The following CNN1 variants were observed in gnomAD, a reference collection of about 807,000 sequenced individuals.
The protein encoded by CNN1 is calponin 1.
Under a neutral mutation model 35.3 loss-of-function variants are expected in CNN1, and 21 were observed. That is an observed-to-expected ratio of 0.60 (90% CI 0.42 to 0.86). CNN1 has a LOEUF of 0.86. Ranked by LOEUF, CNN1 falls within the 40% of genes least tolerant of loss-of-function variation. The probability of loss-of-function intolerance (pLI) is 0.00; values close to 1 mark genes in which losing one functional copy is unlikely to be tolerated. For missense variants in CNN1, 314 were observed against 400.8 expected, an observed-to-expected ratio of 0.78 and a Z score of 1.85; for synonymous variants, 164 against 161.8, an observed-to-expected ratio of 1.01 and a Z score of -0.10.
At chr19:11,547,225 C>T (rs762526342) in intron 4 of CNN1, among the ~76,000 whole-genome samples, 5 of 151,582 alleles carry the variant, frequency 3.3e-5, no homozygotes, top group Non-Finnish European at 7.4e-5. Context: ...GGTGAAATCC[C>T]GTCTCTACTA....
intron 2 of CNN1, among the ~76,000 whole-genome samples, chr19:11,544,664 T>G (rs950647913): frequency 1.5e-5 from 2 of 134,370 alleles, no homozygotes; most frequent in African/African-American, 5.8e-5. Context: ...GTTTTCGGGT[T>G]TTTTTTTTTT....
At chr19:11,544,688 G>A in intron 2 of CNN1, among the ~76,000 whole-genome samples, 1 of 131,016 alleles carries the variant, frequency 7.6e-6, no homozygotes, top group Non-Finnish European at 1.6e-5. Context: ...TTTTTGTAGA[G>A]ACACGGGTCT....
intron 1 of CNN1, 190 bp downstream of exon 1, chr19:11,539,180 G>T: frequency 1.7e-6 from 2 of 1,203,172 alleles, no homozygotes; most frequent in Non-Finnish European, 2.2e-6. Flanking sequence ...TATGGTTGGG[G>T]CTGGAATGGG....
intron 1 of CNN1, 36 bp downstream of exon 1, chr19:11,539,026 G>C: frequency 6.6e-7 from 1 of 1,518,738 alleles, no homozygotes; most frequent in South Asian, 1.2e-5. Flanking sequence ...TGGCCCACAC[G>C]TCCTGCCAGG....
intron 5 of CNN1, 91 bp downstream of exon 5, chr19:11,547,998 A>G: frequency 1.0e-6 from 1 of 965,762 alleles, no homozygotes; most frequent in Non-Finnish European, 1.5e-6. Flanking sequence ...ATTTGGCATT[A>G]ACTATACTAT....
At chr19:11,546,999 T>C (rs113148999) in intron 4 of CNN1, 30 bp downstream of exon 4, 21,206 of 1,609,916 alleles carry the variant, frequency 0.013, 307 homozygotes, top group Admixed American at 0.055. Flanking sequence ...GGGCAGGGGG[T>C]GGTGGGCAGC....
chr19:11,542,100 C>T, intron 2 of CNN1: 1 of 148,304 alleles, frequency 6.7e-6, no homozygotes, highest in Non-Finnish European at 1.5e-5. Flanking sequence ...GTTGACCGGG[C>T]TGGTCTCAAA....
chr19:11,539,771 C>A, intron 1 of CNN1: 1 of 1,054,844 alleles, frequency 9.5e-7, no homozygotes, highest in Non-Finnish European at 1.2e-6. Flanking sequence ...AAGTGGGGGA[C>A]TGGGTTGGAA....
At chr19:11,539,414 G>A in intron 1 of CNN1, 1 of 1,075,084 alleles carries the variant, frequency 9.3e-7, no homozygotes, top group Non-Finnish European at 1.1e-6. Flanking sequence ...GAAGACAGAG[G>A]GGGACGGTGA....
intron 2 of CNN1, among the ~76,000 whole-genome samples, chr19:11,543,325 G>A (rs2060981337): frequency 6.7e-6 from 1 of 150,052 alleles, no homozygotes; most frequent in South Asian, 2.1e-4. Context: ...ACTCCAGCCT[G>A]GGCAACAGTG....
intron 2 of CNN1, among the ~76,000 whole-genome samples, chr19:11,543,368 A>C (rs1391240993): frequency 6.6e-6 from 1 of 151,798 alleles, no homozygotes; most frequent in Admixed American, 6.6e-5. Flanking sequence ...AAACTAATGT[A>C]AACGACAAGT....
At chr19:11,547,945 C>A (rs1202485507) in intron 5 of CNN1, 38 bp downstream of exon 5, 2 of 1,540,344 alleles carry the variant, frequency 1.3e-6, no homozygotes, top group Non-Finnish European at 1.8e-6. Context: ...GTCATAGAGG[C>A]CAGGAGGGCA....
In CNN1 at chr19:11,550,119, A is replaced by G. The variant is rs892960276; in HGVS notation, c.*324A>G. On this transcript the variant is annotated 3_prime_UTR_variant, in exon 7 of 7. Transcript: ENST00000252456. The stretch of plus-strand genomic sequence containing the variant: ...TACCCCCAGGACCAGAAGCTCCCCC[A>G]GCAAAGCCCCCAGAGCCCAGGCTCG... The G allele has an allele frequency of 5.4e-5, 13 of 242,594 alleles. No individual in the cohort carries two copies. The highest frequency in any genetic ancestry group is 3.6e-4 in the African/African-American group (13 of 36,056). The allele number at this position is 242,594 out of a possible 1,614,324, so 15.0% of individuals were successfully genotyped here.
In CNN1 at chr19:11,549,342, C is replaced by A; in HGVS notation, c.521C>A (p.Ala174Asp). 1 of 1,614,174 alleles carries A rather than the reference C, an allele frequency of 6.2e-7. No individual in the cohort carries two copies. Among genetic ancestry groups the A allele is most frequent in the Non-Finnish European group, 8.5e-7 (1 of 1,180,012 alleles). ...TCCTAGATGGGCACCAACAAGTTTG[C>A]CAGCCAGCAGGGCATGACGGCCTAT... is the stretch of plus-strand genomic sequence containing the variant. ...IGLQMGTNKF[A>D]SQQGMTAYGT... The change falls in exon 6 of 7, where the codon GCC becomes GAC. Residue 174 changes from alanine to aspartate, a missense_variant. Coordinates refer to ENST00000252456, the MANE Select transcript of CNN1 (RefSeq NM_001299.6). The surrounding 1 kb of genome is among the most constrained non-coding windows in gnomAD (Gnocchi z 5.2).
At position 11,549,977 on chromosome 19, in the gene CNN1, G is replaced by A. The variant is rs1157156183; in HGVS notation, c.*182G>A. 1 of 885,062 alleles carries A rather than the reference G, an allele frequency of 1.1e-6. No individual in the cohort carries two copies. The highest frequency in any genetic ancestry group is 2.7e-5 in the East Asian group (1 of 37,306). The allele number at this position is 885,062 out of a possible 1,614,324, so 54.8% of individuals were successfully genotyped here. On this transcript the variant is annotated 3_prime_UTR_variant, in exon 7 of 7. Coordinates refer to ENST00000252456, the MANE Select transcript of CNN1 (RefSeq NM_001299.6). The surrounding 1 kb of genome is among the most constrained non-coding windows in gnomAD (Gnocchi z 5.2). ...GCGGGGGGCCCATTGGGGGGAAGGG[G>A]ACCCTCCGCTCTGTAGTGCTACAGG...
At chr19:11,539,360 C>A in intron 1 of CNN1, 1 of 1,080,562 alleles carries the variant, frequency 9.3e-7, no homozygotes, top group African/African-American at 1.7e-5. Context: ...CGCTTGAGTG[C>A]TGGGGTACCT....
At chr19:11,547,393 T>G (rs1207914004) in intron 4 of CNN1, among the ~76,000 whole-genome samples, 1 of 133,418 alleles carries the variant, frequency 7.5e-6, no homozygotes, top group African/African-American at 2.9e-5. Flanking sequence ...AGACTCCGTC[T>G]CAAAAAAAAA....
intron 2 of CNN1, among the ~76,000 whole-genome samples, chr19:11,546,334 CCTTT>C (rs1354247806): frequency 8.6e-5 from 13 of 151,202 alleles, no homozygotes; most frequent in South Asian, 2.1e-4. Flanking sequence ...GTGGGGGACA[CCTTT>C]CTTTCTTTTT....
At chr19:11,539,250 TC>T in intron 1 of CNN1, 1 of 1,246,872 alleles carries the variant, frequency 8.0e-7, no homozygotes, top group Non-Finnish European at 1.0e-6. Flanking sequence ...ACCCACCTGA[TC>T]AGTCTTCTGT....
Sources: gnomAD v4.1 joint callset for allele counts (sites outside exome capture counted in the v4.1 genomes callset) on GRCh38, gnomAD v4.1.1 for gene constraint, Gnocchi (gnomAD v3.1) non-coding constraint, MANE v1.5 for transcripts, NCBI Gene and HGNC (gene_info 2026-07-23, HGNC 2026-07-21) for gene names.